Variants in GSAP observed in about 807,000 individuals in gnomAD.
The protein encoded by GSAP is gamma-secretase-activating protein.
Under a neutral mutation model 131.7 loss-of-function variants are expected in GSAP, and 118 were observed. The observed-to-expected ratio is 0.90, with a 90% CI of 0.77 to 1.04. GSAP has a LOEUF of 1.04. Ranked by LOEUF, GSAP falls within the 50% of genes least tolerant of loss-of-function variation. The probability of loss-of-function intolerance (pLI) is 0.00; values close to 1 mark genes in which losing one functional copy is unlikely to be tolerated. For missense variants in GSAP, 1,019 were observed against 1,013.2 expected, an observed-to-expected ratio of 1.01 and a Z score of -0.08; for synonymous variants, 381 against 363.4, an observed-to-expected ratio of 1.05 and a Z score of -0.55.
chr7:77,398,589 A>C (rs1024111705), intron 3 of GSAP, among the ~76,000 whole-genome samples: 1 of 152,192 alleles, frequency 6.6e-6, no homozygotes, highest in Admixed American at 6.5e-5. Flanking sequence ...CACCACGACA[A>C]AATCCTATCT....
chr7:77,318,191 G>A (rs1271758968), intron 26 of GSAP, among the ~76,000 whole-genome samples: 1 of 152,180 alleles, frequency 6.6e-6, no homozygotes, highest in Non-Finnish European at 1.5e-5. Flanking sequence ...TGTGACTTTA[G>A]GCAAATTACT....
chr7:77,371,473 T>C (rs911458809), intron 12 of GSAP, among the ~76,000 whole-genome samples: 5 of 150,654 alleles, frequency 3.3e-5, no homozygotes, highest in Middle Eastern at 3.2e-3. Context: ...CTTGCTCTGT[T>C]GTCCATGCTG....
chr7:77,343,886 A>G (rs1791392503), intron 19 of GSAP, among the ~76,000 whole-genome samples: 2 of 152,104 alleles, frequency 1.3e-5, no homozygotes, highest in Admixed American at 1.3e-4. Flanking sequence ...GTGGAAATCT[A>G]TCCTCAAGGA....
At chr7:77,323,995 T>G (rs1787988092) in intron 23 of GSAP, among the ~76,000 whole-genome samples, 1 of 152,178 alleles carries the variant, frequency 6.6e-6, no homozygotes, top group South Asian at 2.1e-4. Flanking sequence ...AGGCTCTAAC[T>G]CTGACGAGAA....
intron 6 of GSAP, 120 bp downstream of exon 6, chr7:77,387,236 GTAGT>G (rs1304510335): frequency 2.0e-6 from 1 of 512,810 alleles, no homozygotes; most frequent in Non-Finnish European, 3.5e-6. Context: ...TCCAGCCATA[GTAGT>G]CTACAAGACT....
chr7:77,416,134 C>G, intron 1 of GSAP, 79 bp downstream of exon 1: 1 of 824,918 alleles, frequency 1.2e-6, no homozygotes, highest in Non-Finnish European at 1.7e-6. Flanking sequence ...CGGGTTGCTC[C>G]CCACCGGGTC....
intron 5 of GSAP, among the ~76,000 whole-genome samples, chr7:77,388,666 A>C (rs1265363552): frequency 6.6e-6 from 1 of 152,228 alleles, no homozygotes; most frequent in South Asian, 2.1e-4. Flanking sequence ...TGTGAAAAAT[A>C]ATATACAAAA....
intron 3 of GSAP, among the ~76,000 whole-genome samples, chr7:77,400,864 A>G (rs1375514565): frequency 6.6e-6 from 1 of 152,124 alleles, no homozygotes; most frequent in African/African-American, 2.4e-5. Context: ...AGCAAACGAA[A>G]AAAAGTCTCA....
At chr7:77,397,752 T>C (rs996624845) in intron 3 of GSAP, among the ~76,000 whole-genome samples, 2 of 152,010 alleles carry the variant, frequency 1.3e-5, no homozygotes, top group Admixed American at 6.6e-5. Context: ...AGCTTCTCTA[T>C]CCCCCCATTG....
At chr7:77,392,270 G>A (rs1799684387) in intron 5 of GSAP, among the ~76,000 whole-genome samples, 1 of 150,956 alleles carries the variant, frequency 6.6e-6, no homozygotes, top group South Asian at 2.1e-4. Flanking sequence ...AGTGGAGACT[G>A]GACACAGTGG....
At chr7:77,364,925 T>C (rs749565227) in intron 12 of GSAP, among the ~76,000 whole-genome samples, 1 of 152,178 alleles carries the variant, frequency 6.6e-6, no homozygotes, top group East Asian at 1.9e-4. Flanking sequence ...ACTAGCCACA[T>C]GTAGTCACTG....
chr7:77,343,698 C>A (rs1791359311), intron 19 of GSAP, among the ~76,000 whole-genome samples: 1 of 152,254 alleles, frequency 6.6e-6, no homozygotes, highest in African/African-American at 2.4e-5. Flanking sequence ...TACTCCCCCA[C>A]TGACTAACTT....
In GSAP at chr7:77,382,439, G is replaced by T. The variant is rs527916151; in HGVS notation, c.526+135C>A. The T allele has an allele frequency of 5.6e-6, 3 of 536,884 alleles. No homozygotes were observed. In the East Asian group the frequency reaches 8.4e-5, roughly 15 times the overall value. 33.3% of individuals were successfully genotyped at this position (536,884 alleles called of 1,614,324 possible). A position where few individuals can be genotyped will look rare whatever the true frequency, so the allele number is the denominator to read the frequency against. The stretch of plus-strand genomic sequence containing the variant: ...AAAAGCCCTTCCCAAGGAATTCCAG[G>T]TCTCATATGGACATCAAAGCTTAGC... On this transcript the variant is annotated intron_variant, in intron 7 of 30. Transcript: ENST00000257626.
Position 77,355,661 on chromosome 7 carries a change from A to T in GSAP, c.1028-14T>A. On this transcript the variant is annotated splice_polypyrimidine_tract_variant and intron_variant, in intron 14 of 30. Transcript: ENST00000257626. ...CCACATAATAGTCTATAGAAGAGAA[A>T]GATTTACATCATCTACATGTGGTAA... The T allele has an allele frequency of 7.4e-7, 1 of 1,360,354 alleles. No individual in the cohort carries two copies. Among genetic ancestry groups the T allele is most frequent in the Non-Finnish European group, 1.1e-6 (1 of 948,914 alleles). 84.3% of individuals were successfully genotyped at this position (1,360,354 alleles called of 1,614,324 possible).
intron 17 of GSAP, 52 bp from the exon 18 acceptor site, chr7:77,353,078 T>C (rs752916474): frequency 2.0e-6 from 2 of 991,420 alleles, no homozygotes; most frequent in Non-Finnish European, 3.2e-6. Context: ...TTTAATAAGA[T>C]GATGACAGCA....
At chr7:77,392,386 A>G (rs1799713665) in intron 5 of GSAP, among the ~76,000 whole-genome samples, 2 of 152,060 alleles carry the variant, frequency 1.3e-5, no homozygotes, top group Non-Finnish European at 1.5e-5. Flanking sequence ...CTCTCTGCTA[A>G]TAACACAAAA....
chr7:77,338,857 A>G (rs1254866240), intron 19 of GSAP, among the ~76,000 whole-genome samples: 1 of 152,214 alleles, frequency 6.6e-6, no homozygotes, highest in Non-Finnish European at 1.5e-5. Flanking sequence ...TCCACTTTAT[A>G]CTAAAAGGAA....
chr7:77,362,642 T>A lies in GSAP; in HGVS notation c.890A>T (p.Tyr297Phe), dbSNP rs1299990762. The change falls in exon 13 of 31, where the codon TAC (tyrosine) becomes TTC (phenylalanine). Residue 297 changes from tyrosine (Y) to phenylalanine (F), a missense_variant. Physicochemically the swap from Tyr to Phe is conservative, Grantham distance 22. Transcript: ENST00000257626. ...TCCCCAAGAGGCACACTTCGGGCTG[T>A]AACATACACACAAACTTCCTAGAAG... ...TNHTGSLCVCYSPKCASWGQI... is the reference protein window; with the variant it reads ...TNHTGSLCVCFSPKCASWGQI... 1.9e-6 allele frequency: 3 copies of A among 1,572,330 alleles called. No individual in the cohort carries two copies. The highest frequency in any genetic ancestry group is 1.1e-5 in the South Asian group (1 of 90,052).
intron 3 of GSAP, among the ~76,000 whole-genome samples, chr7:77,399,137 T>A (rs10275795): frequency 0.12 from 18,761 of 152,224 alleles, 1,660 homozygotes; most frequent in East Asian, 0.41. Context: ...TTCTGTAGAA[T>A]CAAAACCTCA....
Sources: allele counts gnomAD v4.1 joint callset (sites outside exome capture counted in the v4.1 genomes callset), GRCh38; gene constraint gnomAD v4.1.1; transcripts MANE v1.5; gene names NCBI Gene and HGNC (gene_info 2026-07-23, HGNC 2026-07-21).